STK10: variants seen among roughly 807,000 people sequenced by gnomAD.
STK10 encodes the protein serine/threonine kinase 10.
STK10 carries 78 observed loss-of-function variants against 113.8 expected under a neutral mutation model. That is an observed-to-expected ratio of 0.69 (90% CI 0.57 to 0.83). The LOEUF (loss-of-function observed/expected upper bound fraction) is 0.83. Among genes scored for constraint, STK10 ranks in the 40% least tolerant of loss-of-function variants. STK10 has a pLI of 0.00. For missense variants in STK10, 1,109 were observed against 1,280.1 expected, an observed-to-expected ratio of 0.87 and a Z score of 2.04; for synonymous variants, 465 against 494.7, an observed-to-expected ratio of 0.94 and a Z score of 0.80.
intron 13 of STK10, among the ~76,000 whole-genome samples, chr5:172,064,143 C>T (rs1034734662): frequency 1.1e-4 from 16 of 152,004 alleles, no homozygotes; most frequent in African/African-American, 3.6e-4. Flanking sequence ...CAGGAAGCCT[C>T]GCTGGGAGGC....
Position 172,120,203 on chromosome 5 carries a change from T to G in STK10, c.371-2573A>C, listed in dbSNP as rs960406402. On this transcript the variant is annotated intron_variant, in intron 3 of 18. Transcript: ENST00000176763. This position sits in a 1 kb window ranked among gnomAD's most constrained non-coding sequence, Gnocchi z 4.0. Reference sequence around the variant, plus strand: ...CTGCCAGGTTCCCAGGCTGTCGGCTTCTAAGCCTGGTCACCAAAGGGCACT... The same window carrying G: ...CTGCCAGGTTCCCAGGCTGTCGGCTGCTAAGCCTGGTCACCAAAGGGCACT... Among the ~76,000 whole-genome samples, 1 of 152,130 alleles carries G rather than the reference T, an allele frequency of 6.6e-6. No homozygotes were observed. Among genetic ancestry groups the G allele is most frequent in the African/African-American group, 2.4e-5 (1 of 41,430 alleles).
chr5:172,091,370 C>T (rs886069893), intron 9 of STK10, among the ~76,000 whole-genome samples: 3 of 152,124 alleles, frequency 2.0e-5, no homozygotes, highest in Non-Finnish European at 2.9e-5. Flanking sequence ...TAATCGCACA[C>T]GCCACAAGTG....
chr5:172,168,425 G>C (rs1770607658), intron 1 of STK10, among the ~76,000 whole-genome samples: 1 of 152,196 alleles, frequency 6.6e-6, no homozygotes, highest in Non-Finnish European at 1.5e-5. Context: ...CACAGAGCCG[G>C]GGTGGCCAGC....
chr5:172,105,628 G>C, intron 7 of STK10, 28 bp downstream of exon 7: 2 of 1,610,858 alleles, frequency 1.2e-6, no homozygotes, highest in Non-Finnish European at 1.7e-6. Context: ...ACCCTTCAGG[G>C]AGCAGAGTGG....
intron 3 of STK10, among the ~76,000 whole-genome samples, chr5:172,122,770 C>T (rs552484137): frequency 2.6e-5 from 4 of 152,186 alleles, no homozygotes; most frequent in Non-Finnish European, 5.9e-5. Flanking sequence ...ACTACAGGCG[C>T]CCGCCACCAT....
intron 15 of STK10, 200 bp downstream of exon 15, chr5:172,057,149 C>T (rs1767823689): frequency 1.6e-6 from 1 of 644,202 alleles, no homozygotes; most frequent in Non-Finnish European, 2.6e-6. Context: ...GCATCGTTTC[C>T]CCTATTCCTA....
At chr5:172,046,201 A>C (rs1767490046) in intron 18 of STK10, among the ~76,000 whole-genome samples, 1 of 151,502 alleles carries the variant, frequency 6.6e-6, no homozygotes, top group Non-Finnish European at 1.5e-5. Flanking sequence ...CTCTACTAAA[A>C]ACACAAAAAT....
intron 7 of STK10, 143 bp from the exon 8 acceptor site, chr5:172,096,703 C>T: frequency 8.6e-7 from 1 of 1,168,890 alleles, no homozygotes. Flanking sequence ...GACCCAGAGA[C>T]AGCCTGGAAA....
At chr5:172,047,345 G>C (rs368626513) in intron 18 of STK10, among the ~76,000 whole-genome samples, 46 of 152,314 alleles carry the variant, frequency 3.0e-4, no homozygotes, top group African/African-American at 1.1e-3. Context: ...TAAGGCAATA[G>C]CTAGAGGAAA....
At chr5:172,114,676 G>C (rs371433212) in intron 4 of STK10, 2 of 150,976 alleles carry the variant, frequency 1.3e-5, no homozygotes, top group Non-Finnish European at 2.9e-5. Context: ...GTAGAGATGG[G>C]ATTTCACCGT....
At chr5:172,055,177 T>C (rs947438617) in intron 16 of STK10, among the ~76,000 whole-genome samples, 1 of 151,688 alleles carries the variant, frequency 6.6e-6, no homozygotes, top group Non-Finnish European at 1.5e-5. Context: ...CAAGACCTTA[T>C]GGCGGGTGGG....
At chr5:172,131,557 A>T (rs1353757680) in intron 2 of STK10, among the ~76,000 whole-genome samples, 1 of 151,500 alleles carries the variant, frequency 6.6e-6, no homozygotes, top group Non-Finnish European at 1.5e-5. Context: ...TTATTTATTT[A>T]TTTTTTTGCC....
In STK10 at chr5:172,082,857, G is replaced by A; in HGVS notation, c.1809+104C>T. On this transcript the variant is annotated intron_variant, in intron 11 of 18. Coordinates refer to ENST00000176763, the MANE Select transcript of STK10 (RefSeq NM_005990.4). This position sits in a 1 kb window ranked among gnomAD's most constrained non-coding sequence, Gnocchi z 4.3. ...AGCCCCCAGGAATTGGGCAATTGTT[G>A]TGAATTACTCTCCACTACCCAATCA... 1 of 1,515,666 alleles carries A rather than the reference G, an allele frequency of 6.6e-7. No homozygotes were observed. The highest frequency in any genetic ancestry group is 1.3e-5 in the South Asian group (1 of 79,274). 93.9% of individuals were successfully genotyped at this position (1,515,666 alleles called of 1,614,324 possible). A position where few individuals can be genotyped will look rare whatever the true frequency, so the allele number is the denominator to read the frequency against.
chr5:172,074,912 G>T (rs1418386348), intron 12 of STK10, among the ~76,000 whole-genome samples: 1 of 151,900 alleles, frequency 6.6e-6, no homozygotes, highest in Non-Finnish European at 1.5e-5. Context: ...CCAGTTACTT[G>T]GGAGGCTGAG....
rs1375635781 is a variant in STK10 at position 172,090,351 on chromosome 5, C to T, written c.1566G>A (p.Leu522=). The part of the protein sequence containing the change: ...MGSLSIKDPK[L]YKKTLKRTRK... ...GTGTCCGCTTGAGGGTTTTTTTGTACAGTTTCGGGTCCTGGCCAGGGAAAA... is the reference window on the plus strand; with the variant it reads ...GTGTCCGCTTGAGGGTTTTTTTGTATAGTTTCGGGTCCTGGCCAGGGAAAA... Residue 522 remains leucine (L), a synonymous_variant, in exon 10 of 19, where the codon CTG becomes CTA. Transcript: ENST00000176763. 1.9e-6 allele frequency: 3 copies of T among 1,613,786 alleles called. No homozygotes were observed. The highest frequency in any genetic ancestry group is 1.7e-5 in the Admixed American group (1 of 59,974).
At chr5:172,048,624 A>G (rs1767555089) in intron 18 of STK10, among the ~76,000 whole-genome samples, 1 of 110,128 alleles carries the variant, frequency 9.1e-6, no homozygotes, top group Non-Finnish European at 1.7e-5. Context: ...ATCCTAGTTC[A>G]AGATACCACC....
intron 6 of STK10, 101 bp from the exon 7 acceptor site, chr5:172,105,838 C>A: frequency 9.4e-7 from 1 of 1,065,296 alleles, no homozygotes; most frequent in East Asian, 2.5e-5. Flanking sequence ...CCTCAAAGGA[C>A]AGAGGAAACT....
At chr5:172,153,003 T>C (rs1770269805) in intron 2 of STK10, among the ~76,000 whole-genome samples, 1 of 152,154 alleles carries the variant, frequency 6.6e-6, no homozygotes, top group East Asian at 1.9e-4. Context: ...ATTATACATA[T>C]AGGCCTGGTG....
At position 172,061,131 on chromosome 5, in the gene STK10, A is replaced by AC. The variant is rs1468011846; in HGVS notation, c.2212+7dup. 2.5e-6 allele frequency: 4 copies of AC among 1,601,936 alleles called. No individual in the cohort carries two copies. The highest frequency in any genetic ancestry group is 3.4e-6 in the Non-Finnish European group (4 of 1,176,230). On this transcript the variant is annotated splice_region_variant and intron_variant, in intron 14 of 18. Coordinates refer to ENST00000176763, the MANE Select transcript of STK10 (RefSeq NM_005990.4). The stretch of plus-strand genomic sequence containing the variant: ...GCCAAGACAGCGCTGCCACTTGCAC[A>AC]CCCCCACCTCGAAGGAGCTCCTGCT...
Sources: allele counts gnomAD v4.1 joint callset (sites outside exome capture counted in the v4.1 genomes callset), GRCh38; gene constraint gnomAD v4.1.1; non-coding constraint Gnocchi (gnomAD v3.1); transcripts MANE v1.5; gene names NCBI Gene and HGNC (gene_info 2026-07-23, HGNC 2026-07-21).